The following GSPT2 variants were observed in gnomAD, a reference collection of about 807,000 sequenced individuals.
The protein encoded by GSPT2 is eukaryotic peptide chain release factor GTP-binding subunit ERF3B.
A neutral mutation model predicts 24.6 loss-of-function variants in GSPT2; 2 were observed. The ratio of observed to expected loss-of-function variants is 0.08; its 90% CI spans 0.03 to 0.26. GSPT2 has a LOEUF of 0.26. Ranked by LOEUF, GSPT2 falls within the 10% of genes least tolerant of loss-of-function variation. The pLI is 1.00. For synonymous variants in GSPT2, 194 were observed against 189.3 expected (o/e 1.02, Z -0.20); for missense variants, 322 against 489.6 (o/e 0.66, Z 3.23).
Position 51,743,862 on chromosome X carries a change from C to A in GSPT2, c.236C>A (p.Pro79Gln). Reference protein sequence around the residue: ...VPSFLRGPTQPPTLPAGSGSN... With the variant: ...VPSFLRGPTQQPTLPAGSGSN... ...TCCTTCCTGCGGGGCCCGACTCAGCCGCCCACCCTCCCGGCCGGCTCCGGC... is the reference window on the plus strand; with the variant it reads ...TCCTTCCTGCGGGGCCCGACTCAGCAGCCCACCCTCCCGGCCGGCTCCGGC... Residue 79 changes from proline to glutamine, a missense_variant, in exon 1 of 1, where the codon CCG becomes CAG. Pro to Gln is a moderately conservative substitution (Grantham distance 76). This residue lies in a region of GSPT2 where 125 missense variants were observed against 121.3 expected (regional missense o/e 1.03). Coordinates refer to ENST00000340438, the MANE Select transcript of GSPT2 (RefSeq NM_018094.5). 1 of 1,206,937 alleles carries A rather than the reference C, an allele frequency of 8.3e-7. No individual in the cohort carries two copies. Among genetic ancestry groups the A allele is most frequent in the Non-Finnish European group, 1.1e-6 (1 of 892,955 alleles).
chrX:51,745,483 A>T lies in GSPT2; in HGVS notation c.1857A>T (p.Lys619Asn). The part of the protein sequence containing the change: ...RDEGKTIAIG[K>N]VLKLVPEKD ...AGGGTAAGACCATTGCAATTGGAAA[A>T]GTTCTGAAATTGGTCCCAGAGAAGG... The change falls in exon 1 of 1, where the codon AAA becomes AAT. Residue 619 changes from lysine (K) to asparagine (N), a missense_variant. Around this residue, in one of 4 missense-constraint regions of GSPT2, gnomAD observed 117 missense variants for 204.1 expected, o/e 0.57. Transcript: ENST00000340438. 5.0e-6 allele frequency: 6 copies of T among 1,203,235 alleles called. No homozygotes were observed. The highest frequency in any genetic ancestry group is 6.8e-6 in the Non-Finnish European group (6 of 888,240).
Position 51,744,007 on chromosome X carries a change from C to G in GSPT2, c.381C>G (p.Ala127=), listed in dbSNP as rs782106328. 5.8e-6 allele frequency: 7 copies of G among 1,208,194 alleles called. No individual in the cohort carries two copies. In the East Asian group the frequency reaches 1.8e-4, roughly 31 times the overall value. The change falls in exon 1 of 1, where the codon GCC becomes GCG. Residue 127 remains alanine (A), a synonymous_variant. Coordinates refer to ENST00000340438, the MANE Select transcript of GSPT2 (RefSeq NM_018094.5). The part of the protein sequence containing the change: ...PLVSLEGSNS[A]VTMELSEPVV... The stretch of plus-strand genomic sequence containing the variant: ...TGTCGCTTGAAGGTTCCAATTCAGC[C>G]GTTACCATGGAACTTTCAGAACCTG...
chrX:51,745,651 T>G lies in GSPT2; in HGVS notation c.*138T>G. ...GAAATTTCACAGCAAAAATTCATGT[T>G]TTGTCAGCTTTCTCATGTTGAGATC... On this transcript the variant is annotated 3_prime_UTR_variant, in exon 1 of 1. Transcript: ENST00000340438. The G allele has an allele frequency of 2.1e-6, 1 of 468,442 alleles. No individual in the cohort carries two copies. The highest frequency in any genetic ancestry group is 3.7e-6 in the Non-Finnish European group (1 of 267,058). 38.6% of individuals were successfully genotyped at this position (468,442 alleles called of 1,213,427 possible). A position where few individuals can be genotyped will look rare whatever the true frequency, so the allele number is the denominator to read the frequency against.
Position 51,744,834 on chromosome X carries a change from A to G in GSPT2, c.1208A>G (p.Asp403Gly), listed in dbSNP as rs782551231. 8.3e-7 allele frequency: 1 copy of G among 1,208,459 alleles called. No homozygotes were observed. Among genetic ancestry groups the G allele is most frequent in the Admixed American group, 2.2e-5 (1 of 46,067 alleles). Residue 403 changes from aspartate (D) to glycine (G), a missense_variant, in exon 1 of 1, where the codon GAT (aspartate) becomes GGT (glycine). Physicochemically the swap from Asp to Gly is moderately conservative, Grantham distance 94 (BLOSUM62 -1). Around this residue, in one of 4 missense-constraint regions of GSPT2, gnomAD observed 117 missense variants for 204.1 expected, o/e 0.57. Coordinates refer to ENST00000340438, the MANE Select transcript of GSPT2 (RefSeq NM_018094.5). ...GGAGCAAATATTAAAGAGCAGTCAGATTTCTGCCCTTGGTACACTGGATTA... is the reference window on the plus strand; with the variant it reads ...GGAGCAAATATTAAAGAGCAGTCAGGTTTCTGCCCTTGGTACACTGGATTA... ...LTGANIKEQS[D>G]FCPWYTGLPF...
chrX:51,744,138 C>A lies in GSPT2; in HGVS notation c.512C>A (p.Pro171His), dbSNP rs138639757. Reference protein sequence around the residue: ...PGGGSSGDSGPPEESGQEMME... With the variant: ...PGGGSSGDSGHPEESGQEMME... ...GGTGGTTCCTCGGGAGATTCAGGGC[C>A]CCCAGAAGAAAGTGGCCAGGAAATG... The change falls in exon 1 of 1, where the codon CCC becomes CAC. Residue 171 changes from proline to histidine, a missense_variant. Around this residue, in one of 4 missense-constraint regions of GSPT2, gnomAD observed 72 missense variants for 121.5 expected, o/e 0.59. Coordinates refer to ENST00000340438, the MANE Select transcript of GSPT2 (RefSeq NM_018094.5). 5.0e-6 allele frequency: 6 copies of A among 1,207,091 alleles called. No homozygotes were observed. The highest frequency in any genetic ancestry group is 1.8e-5 in the African/African-American group (1 of 56,724).
Position 51,745,064 on chromosome X carries a change from A to T in GSPT2, c.1438A>T (p.Thr480Ser), listed in dbSNP as rs1557348969. ...AGTTCTTGGAATACTTTCTGATGAT[A>T]CTGAAACTGATTTTGTAGCCCCAGG... ...VEVLGILSDD[T>S]ETDFVAPGEN... Residue 480 changes from threonine (T) to serine (S), a missense_variant, in exon 1 of 1, where the codon ACT becomes TCT. Thr to Ser is a moderately conservative substitution (Grantham distance 58, BLOSUM62 1). Transcript: ENST00000340438. The T allele has an allele frequency of 8.3e-7, 1 of 1,205,258 alleles. No individual in the cohort carries two copies.
rs573786765 is a variant in GSPT2, at chrX:51,744,061, C to G, written c.435C>G (p.Ala145=). The change falls in exon 1 of 1, where the codon GCC becomes GCG. Residue 145 remains alanine (A), a synonymous_variant. Transcript: ENST00000340438. ...TAGAAAATGGAGAGGTGGAAATGGC[C>G]CTAGAAGAATCATGGGAGCACAGTA... ...PVVENGEVEM[A]LEESWEHSKE... 1 of 1,208,030 alleles carries G rather than the reference C, an allele frequency of 8.3e-7. No homozygotes were observed. The highest frequency in any genetic ancestry group is 1.8e-5 in the African/African-American group (1 of 56,974).
chrX:51,745,089 G>T lies in GSPT2; in HGVS notation c.1463G>T (p.Gly488Val). The change falls in exon 1 of 1, where the codon GGT becomes GTT. Residue 488 changes from glycine (G) to valine (V), a missense_variant. Physicochemically the swap from Gly to Val is moderately radical, Grantham distance 109. Around this residue, in one of 4 missense-constraint regions of GSPT2, gnomAD observed 117 missense variants for 204.1 expected, o/e 0.57. Transcript: ENST00000340438. Reference sequence around the variant, plus strand: ...ACTGAAACTGATTTTGTAGCCCCAGGTGAAAACCTCAAAATCAGACTGAAG... The same window carrying T: ...ACTGAAACTGATTTTGTAGCCCCAGTTGAAAACCTCAAAATCAGACTGAAG... ...DDTETDFVAP[G>V]ENLKIRLKGI... 8.3e-7 allele frequency: 1 copy of T among 1,208,594 alleles called. No individual in the cohort carries two copies. Among genetic ancestry groups the T allele is most frequent in the Non-Finnish European group, 1.1e-6 (1 of 892,791 alleles).
Position 51,744,897 on chromosome X carries a change from A to C in GSPT2, c.1271A>C (p.Asn424Thr). The C allele has an allele frequency of 3.3e-6, 4 of 1,207,281 alleles. No individual in the cohort carries two copies. Among genetic ancestry groups the C allele is most frequent in the Non-Finnish European group, 4.5e-6 (4 of 891,438 alleles). Residue 424 changes from asparagine to threonine, a missense_variant, in exon 1 of 1, where the codon AAC becomes ACC. Asn to Thr is a moderately conservative substitution (Grantham distance 65). This residue lies in a region of GSPT2 where 117 missense variants were observed against 204.1 expected (regional missense o/e 0.57). Coordinates refer to ENST00000340438, the MANE Select transcript of GSPT2 (RefSeq NM_018094.5). ...TATTTGGATAACTTGCCAAACTTCA[A>C]CAGATCAATTGATGGACCAATAAGA... ...IPYLDNLPNF[N>T]RSIDGPIRLP... is the part of the protein sequence containing the mutation.
rs1569554905 is a variant in GSPT2 at position 51,744,121 on chromosome X, C to T, written c.495C>T (p.Ser165=). Residue 165 remains serine (S), a synonymous_variant, in exon 1 of 1, where the codon TCC becomes TCT. Transcript: ENST00000340438. ...EVSEAEPGGG[S]SGDSGPPEES... Reference sequence around the variant, plus strand: ...GTGAAGCCGAGCCTGGGGGTGGTTCCTCGGGAGATTCAGGGCCCCCAGAAG... The same window carrying T: ...GTGAAGCCGAGCCTGGGGGTGGTTCTTCGGGAGATTCAGGGCCCCCAGAAG... The T allele has an allele frequency of 1.7e-6, 2 of 1,209,770 alleles. No individual in the cohort carries two copies. Among genetic ancestry groups the T allele is most frequent in the Non-Finnish European group, 1.1e-6 (1 of 894,536 alleles).
Position 51,745,448 on chromosome X carries a change from T to C in GSPT2, c.1822T>C (p.Leu608=). ...KDFPQMGRFT[L]RDEGKTIAIG... is the part of the protein sequence containing the mutation. ...TTTTCCTCAGATGGGTCGTTTTACT[T>C]TAAGAGATGAGGGTAAGACCATTGC... The change falls in exon 1 of 1, where the codon TTA becomes CTA. Residue 608 remains leucine (L), a synonymous_variant. Transcript: ENST00000340438. 1.7e-6 allele frequency: 2 copies of C among 1,208,277 alleles called. No homozygotes were observed. Among genetic ancestry groups the C allele is most frequent in the Non-Finnish European group, 2.2e-6 (2 of 892,419 alleles).
rs1923971029 is a variant in GSPT2, at chrX:51,745,285, G to A, written c.1659G>A (p.Glu553=). The change falls in exon 1 of 1, where the codon GAG becomes GAA. Residue 553 remains glutamate, a synonymous_variant. Transcript: ENST00000340438. The part of the protein sequence containing the change: ...LHIHTCIEEV[E]ITALISLVDK... ...TTCATACTTGTATTGAGGAAGTTGA[G>A]ATAACAGCGTTAATCTCCTTGGTAG... 1 of 1,204,155 alleles carries A rather than the reference G, an allele frequency of 8.3e-7. No individual in the cohort carries two copies. The highest frequency in any genetic ancestry group is 1.8e-5 in the South Asian group (1 of 56,596).
rs782434790 is a variant in GSPT2, at chrX:51,746,189, G to A, written c.*676G>A. On this transcript the variant is annotated 3_prime_UTR_variant, in exon 1 of 1. Transcript: ENST00000340438. ...GCTTTGTTTTCTCTGTCCAAGTCCA[G>A]TCAATAAAGGAGCTCTTCTGCTTCC... 19 of 123,883 alleles carry A rather than the reference G, an allele frequency of 1.5e-4. No individual in the cohort carries two copies. The highest frequency in any genetic ancestry group is 5.8e-4 in the African/African-American group (18 of 31,039). 10.2% of individuals were successfully genotyped at this position (123,883 alleles called of 1,213,427 possible).
In GSPT2 at chrX:51,744,737, G is replaced by T. The variant is rs1557348927; in HGVS notation, c.1111G>T (p.Val371Leu). The T allele has an allele frequency of 2.5e-6, 3 of 1,209,184 alleles. No homozygotes were observed. The highest frequency in any genetic ancestry group is 3.5e-5 in the African/African-American group (2 of 57,119). The change falls in exon 1 of 1, where the codon GTG (valine) becomes TTG (leucine). Residue 371 changes from valine to leucine, a missense_variant. Val to Leu is a conservative substitution (Grantham distance 32). Coordinates refer to ENST00000340438, the MANE Select transcript of GSPT2 (RefSeq NM_018094.5). The stretch of plus-strand genomic sequence containing the variant: ...ATATGAAGAATGTAAAGAAAAACTG[G>T]TGCCCTTTTTGAAAAAAGTAGGCTT... Reference protein sequence around the residue: ...ERYEECKEKLVPFLKKVGFSP... With the variant: ...ERYEECKEKLLPFLKKVGFSP...
chrX:51,743,862 C>T lies in GSPT2; in HGVS notation c.236C>T (p.Pro79Leu), dbSNP rs782077644. The change falls in exon 1 of 1, where the codon CCG becomes CTG. Residue 79 changes from proline to leucine, a missense_variant. Pro to Leu is a moderately conservative substitution (Grantham distance 98). This residue lies in a region of GSPT2 where 125 missense variants were observed against 121.3 expected (regional missense o/e 1.03). Transcript: ENST00000340438. The part of the protein sequence containing the change: ...VPSFLRGPTQ[P>L]PTLPAGSGSN... Reference sequence around the variant, plus strand: ...TCCTTCCTGCGGGGCCCGACTCAGCCGCCCACCCTCCCGGCCGGCTCCGGC... The same window carrying T: ...TCCTTCCTGCGGGGCCCGACTCAGCTGCCCACCCTCCCGGCCGGCTCCGGC... 5.1e-5 allele frequency: 62 copies of T among 1,205,427 alleles called. No individual in the cohort carries two copies. The highest frequency in any genetic ancestry group is 6.7e-5 in the Non-Finnish European group (60 of 892,719).
rs1025409638 is a variant in GSPT2 at position 51,746,217 on chromosome X, A to C, written c.*704A>C. 3.2e-5 allele frequency: 4 copies of C among 123,803 alleles called. No individual in the cohort carries two copies. In the East Asian group the frequency reaches 8.4e-4, roughly 26 times the overall value. 10.2% of individuals were successfully genotyped at this position (123,803 alleles called of 1,213,427 possible). On this transcript the variant is annotated 3_prime_UTR_variant, in exon 1 of 1. Transcript: ENST00000340438. ...AATAAAGGAGCTCTTCTGCTTCCCCACTTGTGATTTGAAAATGAAAGGCTC... is the reference window on the plus strand; with the variant it reads ...AATAAAGGAGCTCTTCTGCTTCCCCCCTTGTGATTTGAAAATGAAAGGCTC...
chrX:51,745,129 A>C lies in GSPT2; in HGVS notation c.1503A>C (p.Glu501Asp), dbSNP rs1471802343. Residue 501 changes from glutamate (E) to aspartate (D), a missense_variant, in exon 1 of 1, where the codon GAA becomes GAC. Glu to Asp is a conservative substitution (Grantham distance 45, BLOSUM62 2). Around this residue, in one of 4 missense-constraint regions of GSPT2, gnomAD observed 117 missense variants for 204.1 expected, o/e 0.57. Transcript: ENST00000340438. ...TCAGACTGAAGGGAATTGAAGAAGAAGAGATTCTTCCAGGATTCATACTTT... is the reference window on the plus strand; with the variant it reads ...TCAGACTGAAGGGAATTGAAGAAGACGAGATTCTTCCAGGATTCATACTTT... ...LKIRLKGIEE[E>D]EILPGFILCD... 1 of 1,205,770 alleles carries C rather than the reference A, an allele frequency of 8.3e-7. No individual in the cohort carries two copies. Among genetic ancestry groups the C allele is most frequent in the African/African-American group, 1.8e-5 (1 of 57,113 alleles).
At position 51,743,817 on chromosome X, in the gene GSPT2, A is replaced by G; in HGVS notation, c.191A>G (p.His64Arg). 5 of 1,210,598 alleles carry G rather than the reference A, an allele frequency of 4.1e-6. No individual in the cohort carries two copies. Among genetic ancestry groups the G allele is most frequent in the Non-Finnish European group, 5.6e-6 (5 of 894,909 alleles). The part of the protein sequence containing the change: ...VNAKPFVPNV[H>R]AAEFVPSFLR... ...GCCAAGCCCTTCGTGCCTAACGTAC[A>G]CGCCGCGGAGTTCGTGCCGTCCTTC... The change falls in exon 1 of 1, where the codon CAC becomes CGC. Residue 64 changes from histidine to arginine, a missense_variant. His to Arg is a conservative substitution (Grantham distance 29). This residue lies in a region of GSPT2 where 125 missense variants were observed against 121.3 expected (regional missense o/e 1.03). Transcript: ENST00000340438.
rs782357792 is a variant in GSPT2 at position 51,743,710 on chromosome X, C to T, written c.84C>T (p.Ser28=). The change falls in exon 1 of 1, where the codon AGC becomes AGT. Residue 28 remains serine (S), a synonymous_variant. Coordinates refer to ENST00000340438, the MANE Select transcript of GSPT2 (RefSeq NM_018094.5). ...VDMESPGSAP[S]GDGVSSAVAE... ...TGGAATCCCCGGGGTCGGCCCCGAGCGGGGATGGAGTCTCCTCTGCGGTGG... is the reference window on the plus strand; with the variant it reads ...TGGAATCCCCGGGGTCGGCCCCGAGTGGGGATGGAGTCTCCTCTGCGGTGG... 5 of 1,208,106 alleles carry T rather than the reference C, an allele frequency of 4.1e-6. No homozygotes were observed. In the East Asian group the frequency reaches 1.5e-4, roughly 36 times the overall value.
Sources: allele counts gnomAD v4.1 joint callset, GRCh38; gene constraint gnomAD v4.1.1; regional missense constraint gnomAD v4.1.1; transcripts MANE v1.5; gene names NCBI Gene and HGNC (gene_info 2026-07-23, HGNC 2026-07-21).